Variants in PALD1 observed in about 807,000 individuals in gnomAD.
PALD1 encodes the protein phosphatase domain containing paladin 1.
PALD1 carries 57 observed loss-of-function variants against 96.0 expected under a neutral mutation model. That is an observed-to-expected ratio of 0.59 (90% CI 0.48 to 0.74). The LOEUF is 0.74. PALD1 is among the 30% of genes least tolerant of loss of function. PALD1 has a pLI of 0.00. For missense variants in PALD1, 1,063 were observed against 1,143.7 expected (o/e 0.93, Z 1.02); for synonymous variants, 464 against 473.6 (o/e 0.98, Z 0.26).
At chr10:70,506,153 G>A (rs185949053) in intron 1 of PALD1, among the ~76,000 whole-genome samples, 1 of 152,298 alleles carries the variant, frequency 6.6e-6, no homozygotes, top group Admixed American at 6.5e-5. Context: ...TGTACCCAAA[G>A]GCTAAGATTC....
intron 18 of PALD1, among the ~76,000 whole-genome samples, chr10:70,551,330 G>T (rs1007304595): frequency 6.6e-6 from 1 of 152,196 alleles, no homozygotes; most frequent in Non-Finnish European, 1.5e-5. Context: ...CTCCAGCAGG[G>T]TCTGTGGTTC....
intron 1 of PALD1, among the ~76,000 whole-genome samples, chr10:70,490,285 A>C (rs1233097825): frequency 1.3e-5 from 2 of 152,054 alleles, no homozygotes; most frequent in African/African-American, 2.4e-5. Flanking sequence ...GCAGTGGTGC[A>C]ATCACGGCTC....
intron 9 of PALD1, 68 bp downstream of exon 9, chr10:70,534,592 G>A (rs938403080): frequency 1.2e-5 from 15 of 1,258,546 alleles, no homozygotes; most frequent in African/African-American, 8.8e-5. Context: ...CTCACTGGTC[G>A]GGGCTCTCTT....
At chr10:70,527,145 C>G (rs1055443480) in intron 2 of PALD1, among the ~76,000 whole-genome samples, 1 of 152,176 alleles carries the variant, frequency 6.6e-6, no homozygotes, top group South Asian at 2.1e-4. Flanking sequence ...AGACTCGTGC[C>G]CCAGGCCTGG....
At chr10:70,525,250 G>T (rs1036641155) in intron 1 of PALD1, among the ~76,000 whole-genome samples, 1 of 151,606 alleles carries the variant, frequency 6.6e-6, no homozygotes, top group Admixed American at 6.6e-5. Flanking sequence ...GGTCTCAAGC[G>T]ATCTGCCTGC....
At chr10:70,512,383 T>C (rs542111771) in intron 1 of PALD1, among the ~76,000 whole-genome samples, 1 of 152,318 alleles carries the variant, frequency 6.6e-6, no homozygotes, top group Admixed American at 6.5e-5. Context: ...GATTTCCCAA[T>C]GGGGACATCA....
chr10:70,531,277 G>A lies in PALD1; in HGVS notation c.469-13G>A, dbSNP rs1417202043. ...CATGATGATGGCTTCCTTCCCCCTC[G>A]GGCTCCTGGCAGGAGTGTGTCATCT... is the stretch of plus-strand genomic sequence containing the variant. On this transcript the variant is annotated splice_polypyrimidine_tract_variant and intron_variant, in intron 4 of 19. Coordinates refer to ENST00000263563, the MANE Select transcript of PALD1 (RefSeq NM_014431.3). 6 of 1,605,968 alleles carry A rather than the reference G, an allele frequency of 3.7e-6. No individual in the cohort carries two copies. The highest frequency in any genetic ancestry group is 1.7e-4 in the Middle Eastern group (1 of 6,030).
the PALD1 span, among the ~76,000 whole-genome samples, chr10:70,473,692 C>T: frequency 6.6e-6 from 1 of 151,696 alleles, no homozygotes; most frequent in Non-Finnish European, 1.5e-5. Context: ...GTCACCCAGG[C>T]TGGAGTGCAG....
At chr10:70,502,379 G>A (rs915942290) in intron 1 of PALD1, among the ~76,000 whole-genome samples, 1 of 152,168 alleles carries the variant, frequency 6.6e-6, no homozygotes, top group Non-Finnish European at 1.5e-5. Flanking sequence ...TTCAAGCACT[G>A]TTGATGTGAA....
At chr10:70,562,241 C>T (rs1170520995) in intron 18 of PALD1, among the ~76,000 whole-genome samples, 1 of 152,236 alleles carries the variant, frequency 6.6e-6, no homozygotes, top group African/African-American at 2.4e-5. Flanking sequence ...TGGGCACAGC[C>T]TGCTGTCCAC....
chr10:70,471,325 G>C, the PALD1 span, among the ~76,000 whole-genome samples: 140,879 of 152,302 alleles, frequency 0.92, 65,448 homozygotes, highest in East Asian at 1. Flanking sequence ...CTGCACATTT[G>C]TGTGTGTGCA....
At chr10:70,486,935 C>T (rs556800501) in intron 1 of PALD1, among the ~76,000 whole-genome samples, 1 of 152,116 alleles carries the variant, frequency 6.6e-6, no homozygotes, top group East Asian at 1.9e-4. Flanking sequence ...CTGGCTCAGC[C>T]CAAGGCCTGG....
At chr10:70,512,618 G>A (rs531865854) in intron 1 of PALD1, among the ~76,000 whole-genome samples, 4 of 152,374 alleles carry the variant, frequency 2.6e-5, no homozygotes, top group African/African-American at 7.2e-5. Flanking sequence ...CTCATTCATA[G>A]GACAGTGGCC....
At chr10:70,495,315 T>G (rs926079350) in intron 1 of PALD1, among the ~76,000 whole-genome samples, 5 of 152,238 alleles carry the variant, frequency 3.3e-5, no homozygotes, top group Admixed American at 6.5e-5. Context: ...ATCATAATCG[T>G]GTTCCCTGGT....
At chr10:70,490,874 A>T (rs879777737) in intron 1 of PALD1, among the ~76,000 whole-genome samples, 1 of 152,156 alleles carries the variant, frequency 6.6e-6, no homozygotes, top group African/African-American at 2.4e-5. Context: ...ATTGCCCGAT[A>T]CTCGGAAAGC....
At chr10:70,473,983 G>A (rs1012508685), upstream of PALD1, among the ~76,000 whole-genome samples, 2 of 152,072 alleles carry the variant, frequency 1.3e-5, no homozygotes, top group Non-Finnish European at 2.9e-5. Context: ...TGAAATATTC[G>A]TGGAATGAAT....
the PALD1 span, among the ~76,000 whole-genome samples, chr10:70,462,097 A>G: frequency 2.2e-4 from 33 of 152,304 alleles, 1 homozygote; most frequent in African/African-American, 7.9e-4. Flanking sequence ...TCGGCTTGGC[A>G]TCATGATTAT....
rs1367800057 is a variant in PALD1 at position 70,540,036 on chromosome 10, T to C, written c.1908+274T>C. Among the ~76,000 whole-genome samples, 1 of 152,172 alleles carries C rather than the reference T, an allele frequency of 6.6e-6. No homozygotes were observed. Among genetic ancestry groups the C allele is most frequent in the Non-Finnish European group, 1.5e-5 (1 of 68,034 alleles). On this transcript the variant is annotated intron_variant, in intron 15 of 19. Coordinates refer to ENST00000263563, the MANE Select transcript of PALD1 (RefSeq NM_014431.3). The surrounding 1 kb of genome is among the most constrained non-coding windows in gnomAD (Gnocchi z 4.2). ...TGGAGTGTGTATTCTGTTACGTATG[T>C]GCATATGTGTTATAAGATGTGTGTA...
intron 1 of PALD1, among the ~76,000 whole-genome samples, chr10:70,515,531 C>G (rs1846603310): frequency 6.6e-6 from 1 of 152,378 alleles, no homozygotes; most frequent in African/African-American, 2.4e-5. Flanking sequence ...GGTTCTAGTC[C>G]TGGTCCTGAA....
Sources: allele counts gnomAD v4.1 joint callset (sites outside exome capture counted in the v4.1 genomes callset), GRCh38; gene constraint gnomAD v4.1.1; non-coding constraint Gnocchi (gnomAD v3.1); transcripts MANE v1.5; gene names NCBI Gene and HGNC (gene_info 2026-07-23, HGNC 2026-07-21).